DGKI: variants seen among roughly 807,000 people sequenced by gnomAD.
DGKI encodes the protein DAG kinase iota.
A neutral mutation model predicts 147.5 loss-of-function variants in DGKI; 55 were observed. The ratio of observed to expected loss-of-function variants is 0.37; its 90% confidence interval spans 0.30 to 0.47. The LOEUF is 0.47. Ranked by LOEUF, DGKI falls within the 20% of genes least tolerant of loss-of-function variation. DGKI has a pLI of 1.00. For missense variants in DGKI, 1,007 were observed against 1,323.8 expected (o/e 0.76, Z 3.71); for synonymous variants, 469 against 477.1 (o/e 0.98, Z 0.22).
chr7:137,521,834 C>CCA (rs1563066479), intron 21 of DGKI, 32 bp downstream of exon 21: 6 of 1,465,924 alleles, frequency 4.1e-6, no homozygotes, highest in Non-Finnish European at 4.8e-6. Flanking sequence ...ATAGGCTGAT[C>CCA]GCATGAAATC....
intron 1 of DGKI, among the ~76,000 whole-genome samples, chr7:137,821,772 A>G (rs1024240159): frequency 1.3e-5 from 2 of 152,216 alleles, no homozygotes; most frequent in African/African-American, 4.8e-5. Context: ...AAATCCAGAA[A>G]TTAAATGTGT....
chr7:137,457,666 A>G (rs1814257679), intron 27 of DGKI, among the ~76,000 whole-genome samples: 2 of 152,156 alleles, frequency 1.3e-5, no homozygotes, highest in African/African-American at 4.8e-5. Context: ...TGGTATCTCC[A>G]AATAATTTCT....
chr7:137,630,241 C>T (rs916141908), intron 6 of DGKI, among the ~76,000 whole-genome samples: 1 of 152,028 alleles, frequency 6.6e-6, no homozygotes, highest in African/African-American at 2.4e-5. Flanking sequence ...TAATATTTTC[C>T]CGTTCCAGAG....
chr7:137,673,621 G>T (rs1000590096), intron 3 of DGKI, among the ~76,000 whole-genome samples: 5 of 152,178 alleles, frequency 3.3e-5, no homozygotes, highest in Non-Finnish European at 7.3e-5. Flanking sequence ...GTACATAAAT[G>T]GAACAGCAGG....
intron 20 of DGKI, among the ~76,000 whole-genome samples, chr7:137,526,603 A>G (rs1233419360): frequency 6.6e-6 from 1 of 151,988 alleles, no homozygotes; most frequent in Non-Finnish European, 1.5e-5. Flanking sequence ...TCCCTTATCC[A>G]TGTTATACAC....
At chr7:137,761,600 T>G (rs1210004747) in intron 1 of DGKI, among the ~76,000 whole-genome samples, 1 of 152,208 alleles carries the variant, frequency 6.6e-6, no homozygotes, top group Admixed American at 6.5e-5. Flanking sequence ...TTCTTCTTCT[T>G]TCCCTGTATT....
intron 1 of DGKI, among the ~76,000 whole-genome samples, chr7:137,731,851 C>A (rs1173852932): frequency 1.3e-5 from 2 of 152,012 alleles, no homozygotes; most frequent in Admixed American, 6.6e-5. Flanking sequence ...ATAGAAATCC[C>A]ACACAAGCTC....
intron 19 of DGKI, among the ~76,000 whole-genome samples, chr7:137,565,651 C>A (rs752156605): frequency 1.3e-5 from 2 of 152,148 alleles, no homozygotes; most frequent in Non-Finnish European, 2.9e-5. Flanking sequence ...AAATTAGGTT[C>A]CCAATTCCTC....
intron 27 of DGKI, among the ~76,000 whole-genome samples, chr7:137,447,333 T>C (rs1038212493): frequency 3.3e-5 from 5 of 152,112 alleles, no homozygotes; most frequent in Non-Finnish European, 7.3e-5. Flanking sequence ...ACTCATAATC[T>C]AGTGAAAAAG....
At chr7:137,447,727 C>T (rs1458424575) in intron 27 of DGKI, among the ~76,000 whole-genome samples, 1 of 152,202 alleles carries the variant, frequency 6.6e-6, no homozygotes, top group Non-Finnish European at 1.5e-5. Flanking sequence ...GAAGTACTTG[C>T]AATTTACCTT....
chr7:137,720,664 C>A (rs1003411814), intron 1 of DGKI, among the ~76,000 whole-genome samples: 3 of 151,974 alleles, frequency 2.0e-5, no homozygotes, highest in Admixed American at 2.0e-4. Flanking sequence ...TTTAATTTTG[C>A]CCTGGGATTT....
chr7:137,443,292 G>A (rs986777012), intron 28 of DGKI, among the ~76,000 whole-genome samples: 19 of 152,096 alleles, frequency 1.2e-4, no homozygotes, highest in African/African-American at 4.3e-4. Flanking sequence ...ACTATGGAAC[G>A]ATCATTTTGG....
rs367854240 is a variant in DGKI, at chr7:137,545,803, G to C, written c.2147+6566C>G. The C allele has an allele frequency of 1.6e-5, 9 of 560,164 alleles. No individual in the cohort carries two copies. In the East Asian group the frequency reaches 2.7e-4, roughly 17 times the overall value. 34.7% of individuals were successfully genotyped at this position (560,164 alleles called of 1,614,324 possible). On this transcript the variant is annotated intron_variant, in intron 20 of 32. Transcript: ENST00000614521. ...TTCTGGTGAGGTGGCTTCCTTATCT[G>C]ACGAACAGACCTGTGAAGGCAAGGG...
rs1811214890 is a variant in DGKI, at chr7:137,387,617, G to T, written c.*3603C>A. On this transcript the variant is annotated 3_prime_UTR_variant, in exon 33 of 33. Transcript: ENST00000614521. Reference sequence around the variant, plus strand: ...ATACATACTTGTGCATGAACGGATGGGGTATTTCTGACATCACATACAAGC... The same window carrying T: ...ATACATACTTGTGCATGAACGGATGTGGTATTTCTGACATCACATACAAGC... The T allele has an allele frequency of 6.6e-6, 1 of 152,042 alleles. No homozygotes were observed. Among genetic ancestry groups the T allele is most frequent in the Non-Finnish European group, 1.5e-5 (1 of 68,008 alleles). The allele number at this position is 152,042 out of a possible 1,614,324, so 9.4% of individuals were successfully genotyped here.
intron 24 of DGKI, among the ~76,000 whole-genome samples, chr7:137,468,289 C>T (rs1055567873): frequency 6.6e-6 from 1 of 151,318 alleles, no homozygotes; most frequent in Non-Finnish European, 1.5e-5. Flanking sequence ...CTGCAATTAC[C>T]TTTTAAAGGT....
chr7:137,804,381 C>A (rs189354687), intron 1 of DGKI, among the ~76,000 whole-genome samples: 1 of 152,192 alleles, frequency 6.6e-6, no homozygotes, highest in Non-Finnish European at 1.5e-5. Context: ...TTCTCTGCTT[C>A]AATAAGATTT....
chr7:137,778,384 A>G (rs1435073057), intron 1 of DGKI, among the ~76,000 whole-genome samples: 1 of 152,192 alleles, frequency 6.6e-6, no homozygotes, highest in African/African-American at 2.4e-5. Context: ...AAGAAAGCAG[A>G]GAGAAAGCAA....
Position 137,469,415 on chromosome 7 carries a change from C to T in DGKI, c.2443+135G>A, listed in dbSNP as rs528475747. Reference sequence around the variant, plus strand: ...AGCAGGCCCACATTGTTCCGCATGCCAATACCAGCCATGTGGAGTCACATG... The same window carrying T: ...AGCAGGCCCACATTGTTCCGCATGCTAATACCAGCCATGTGGAGTCACATG... On this transcript the variant is annotated intron_variant, in intron 24 of 32. Coordinates refer to ENST00000614521, the MANE Select transcript of DGKI (RefSeq NM_001321708.2). 97 of 800,564 alleles carry T rather than the reference C, an allele frequency of 1.2e-4. No homozygotes were observed. The East Asian group carries it at 2.5e-3, about 21-fold the overall frequency. 49.6% of individuals were successfully genotyped at this position (800,564 alleles called of 1,614,324 possible).
chr7:137,683,180 G>A (rs995683032), intron 2 of DGKI, among the ~76,000 whole-genome samples: 2 of 151,674 alleles, frequency 1.3e-5, no homozygotes, highest in East Asian at 3.9e-4. Flanking sequence ...TTTATTTAAC[G>A]TTAGTATAAA....
Sources: allele counts gnomAD v4.1 joint callset (sites outside exome capture counted in the v4.1 genomes callset), GRCh38; gene constraint gnomAD v4.1.1; transcripts MANE v1.5; gene names NCBI Gene and HGNC (gene_info 2026-07-23, HGNC 2026-07-21).